The following FILIP1L variants were observed in gnomAD, a reference collection of about 807,000 sequenced individuals.
The protein encoded by FILIP1L is filamin A interacting protein 1 like, also known as filamin A-interacting protein 1-like.
In FILIP1L, 55 loss-of-function variants were observed where a neutral mutation model predicts 96.6. The observed-to-expected ratio is 0.57, with a 90% confidence interval of 0.46 to 0.71. The LOEUF (loss-of-function observed/expected upper bound fraction) is 0.71. Ranked by LOEUF, FILIP1L falls within the 30% of genes least tolerant of loss-of-function variation. The probability of loss-of-function intolerance (pLI) is 0.00; values close to 1 mark genes in which losing one functional copy is unlikely to be tolerated. For missense variants in FILIP1L, 1,304 were observed against 1,321.2 expected, an observed-to-expected ratio of 0.99 and a Z score of 0.20; for synonymous variants, 467 against 473.9, an observed-to-expected ratio of 0.99 and a Z score of 0.19.
At chr3:100,068,937 G>C (rs1296094111) in intron 1 of FILIP1L, among the ~76,000 whole-genome samples, 1 of 152,120 alleles carries the variant, frequency 6.6e-6, no homozygotes, top group East Asian at 1.9e-4. Context: ...TCTCACCCTC[G>C]CCCAGCAGGT....
chr3:100,017,090 T>C (rs1230715318), intron 1 of FILIP1L, among the ~76,000 whole-genome samples: 2 of 152,248 alleles, frequency 1.3e-5, no homozygotes, highest in Non-Finnish European at 2.9e-5. Flanking sequence ...CTATAGCACC[T>C]CATTTTGATA....
At chr3:99,924,523 T>C (rs1707228183) in intron 3 of FILIP1L, 115 bp from the exon 4 acceptor site, 2 of 1,089,042 alleles carry the variant, frequency 1.8e-6, no homozygotes, top group Non-Finnish European at 2.7e-6. Flanking sequence ...TTTGGTTTTT[T>C]GTTTGTTTGT....
At chr3:100,080,812 G>A (rs1190598319) in intron 1 of FILIP1L, among the ~76,000 whole-genome samples, 1 of 152,182 alleles carries the variant, frequency 6.6e-6, no homozygotes, top group Non-Finnish European at 1.5e-5. Flanking sequence ...ACCAAATAAG[G>A]CAAGGACTGC....
intron 1 of FILIP1L, among the ~76,000 whole-genome samples, chr3:99,935,874 C>A (rs1440411601): frequency 7.2e-5 from 11 of 152,234 alleles, no homozygotes; most frequent in Admixed American, 6.5e-4. Flanking sequence ...TGCAAGAGGA[C>A]TAGAAGAGAG....
intron 1 of FILIP1L, chr3:100,109,910 C>CG (rs1428488602): frequency 1.4e-4 from 17 of 122,170 alleles, no homozygotes; most frequent in Admixed American, 1.3e-3. Context: ...ATGACCCCCC[C>CG]CCCCCAGCAC....
intron 1 of FILIP1L, among the ~76,000 whole-genome samples, chr3:100,069,944 A>G (rs573746988): frequency 3.3e-5 from 5 of 152,354 alleles, no homozygotes; most frequent in Admixed American, 3.3e-4. Context: ...GGGTAATTCA[A>G]GTCTATGGTA....
chr3:99,844,414 AT>A (rs1176085502), intron 5 of FILIP1L, among the ~76,000 whole-genome samples: 1 of 152,146 alleles, frequency 6.6e-6, no homozygotes, highest in African/African-American at 2.4e-5. Context: ...AAGCAAAATG[AT>A]TATTTGGAGG....
intron 1 of FILIP1L, among the ~76,000 whole-genome samples, chr3:100,087,854 T>TTTTG (rs2066038458): frequency 7.4e-6 from 1 of 134,268 alleles, no homozygotes; most frequent in African/African-American, 2.7e-5. Context: ...TTTTTTTTTT[T>TTTTG]GAGTCTCACT....
At chr3:99,897,969 G>A (rs1329647167) in intron 4 of FILIP1L, among the ~76,000 whole-genome samples, 3 of 152,132 alleles carry the variant, frequency 2.0e-5, no homozygotes, top group East Asian at 3.8e-4. Context: ...ATTAAGAAAA[G>A]ATATCCTACC....
chr3:99,975,999 C>T (rs1442007283), intron 1 of FILIP1L, among the ~76,000 whole-genome samples: 1 of 152,198 alleles, frequency 6.6e-6, no homozygotes, highest in Non-Finnish European at 1.5e-5. Flanking sequence ...ATTCTCCTGC[C>T]TCAGCCTCCC....
intron 4 of FILIP1L, among the ~76,000 whole-genome samples, chr3:99,893,252 G>A (rs1465925859): frequency 5.7e-5 from 8 of 140,330 alleles, no homozygotes; most frequent in Admixed American, 1.6e-4. Context: ...TGCAACCTCC[G>A]CCTCCCGGGT....
At chr3:100,097,592 T>G (rs2066233482) in intron 1 of FILIP1L, among the ~76,000 whole-genome samples, 2 of 152,222 alleles carry the variant, frequency 1.3e-5, no homozygotes, top group African/African-American at 4.8e-5. Flanking sequence ...ATACATGTTT[T>G]GTTGGATTTA....
chr3:99,837,847 A>G (rs1942963733), intron 5 of FILIP1L, among the ~76,000 whole-genome samples: 1 of 152,206 alleles, frequency 6.6e-6, no homozygotes, highest in Non-Finnish European at 1.5e-5. Context: ...AATGTGGCCT[A>G]AGTTGGTGGT....
chr3:99,916,356 G>A (rs1559686790), intron 4 of FILIP1L, among the ~76,000 whole-genome samples: 1 of 151,770 alleles, frequency 6.6e-6, no homozygotes, highest in Admixed American at 6.6e-5. Flanking sequence ...GCTTTCTTGG[G>A]TCTCCAGTTT....
intron 4 of FILIP1L, among the ~76,000 whole-genome samples, chr3:99,857,531 T>C (rs1463987619): frequency 6.6e-6 from 1 of 152,254 alleles, no homozygotes; most frequent in East Asian, 1.9e-4. Context: ...TGTTTGTTTA[T>C]TACATAAGCA....
intron 4 of FILIP1L, among the ~76,000 whole-genome samples, chr3:99,880,645 T>C (rs1021646237): frequency 1.3e-5 from 2 of 152,170 alleles, no homozygotes; most frequent in African/African-American, 4.8e-5. Context: ...TATTTTGTGG[T>C]TTTAAAATTA....
intron 1 of FILIP1L, among the ~76,000 whole-genome samples, chr3:100,033,224 G>A (rs28714363): frequency 6.6e-6 from 1 of 152,032 alleles, no homozygotes; most frequent in African/African-American, 2.4e-5. Flanking sequence ...TGTAACATTT[G>A]TGGTTTATGT....
chr3:99,830,350 T>C lies in FILIP1L; in HGVS notation c.*64A>G, dbSNP rs988332088. The C allele has an allele frequency of 8.6e-5, 31 of 361,954 alleles. No individual in the cohort carries two copies. The highest frequency in any genetic ancestry group is 1.6e-4 in the Non-Finnish European group (29 of 180,396). 22.4% of individuals were successfully genotyped at this position (361,954 alleles called of 1,614,324 possible). A position where few individuals can be genotyped will look rare whatever the true frequency, so the allele number is the denominator to read the frequency against. On this transcript the variant is annotated 3_prime_UTR_variant, in exon 6 of 6. Coordinates refer to ENST00000477258, the MANE Select transcript of FILIP1L (RefSeq NM_001387850.1). ...GAGATGGTCCTTTGGCCTTTCATAG[T>C]GGTAATTTTAGCTTTCCACATATTT... is the stretch of plus-strand genomic sequence containing the variant.
Position 99,883,322 on chromosome 3 carries a change from G to A in FILIP1L, c.606-32252C>T, listed in dbSNP as rs118082185. ...CCATGACACCATGTTGAATAAATGC[G>A]TTGCTTTGACATAAAAGTCTTTTAA... is the stretch of plus-strand genomic sequence containing the variant. On this transcript the variant is annotated intron_variant, in intron 4 of 5. Coordinates refer to ENST00000477258, the MANE Select transcript of FILIP1L (RefSeq NM_001387850.1). Among the ~76,000 whole-genome samples, 132 of 152,202 alleles carry A rather than the reference G, an allele frequency of 8.7e-4. 2 individuals are homozygous for A. The East Asian group carries it at 0.022, about 26-fold the overall frequency.
Sources: allele counts gnomAD v4.1 joint callset (sites outside exome capture counted in the v4.1 genomes callset), GRCh38; gene constraint gnomAD v4.1.1; transcripts MANE v1.5; gene names NCBI Gene and HGNC (gene_info 2026-07-23, HGNC 2026-07-21).